PCSK2: variants seen among roughly 807,000 people sequenced by gnomAD.
The protein encoded by PCSK2 is proprotein convertase subtilisin/kexin type 2, also known as neuroendocrine convertase 2.
PCSK2 carries 14 observed loss-of-function variants against 69.7 expected under a neutral mutation model. The observed-to-expected ratio is 0.20, with a 90% CI of 0.13 to 0.31. The LOEUF is 0.31. Ranked by LOEUF, PCSK2 falls within the 10% of genes least tolerant of loss-of-function variation. The pLI, the probability that PCSK2 is intolerant of heterozygous loss-of-function variation, is 1.00. For synonymous variants in PCSK2, 307 were observed against 320.7 expected, an observed-to-expected ratio of 0.96 and a Z score of 0.46; for missense variants, 544 against 842.5, an observed-to-expected ratio of 0.65 and a Z score of 4.39.
intron 8 of PCSK2, among the ~76,000 whole-genome samples, chr20:17,438,486 G>A (rs1012311870): frequency 1.4e-4 from 21 of 152,180 alleles, no homozygotes; most frequent in Admixed American, 4.6e-4. Context: ...GAACTGGCCC[G>A]GGGTTTGAGA....
At position 17,313,728 on chromosome 20, in the gene PCSK2, T is replaced by G. The variant is rs78869048; in HGVS notation, c.283-44599T>G. 1.1e-3 allele frequency among the ~76,000 whole-genome samples: 166 copies of G among 152,222 alleles called. 1 individual carries two copies. The highest frequency in any genetic ancestry group is 3.9e-3 in the African/African-American group (161 of 41,530). ...ACAATAGGCTATAATTTACAAGGTT[T>G]TTCTCTGCAAGTCAACTCTTGCTAA... is the stretch of plus-strand genomic sequence containing the variant. On this transcript the variant is annotated intron_variant, in intron 2 of 11. Coordinates refer to ENST00000262545, the MANE Select transcript of PCSK2 (RefSeq NM_002594.5).
chr20:17,241,683 G>A (rs1262648932), intron 1 of PCSK2, among the ~76,000 whole-genome samples: 1 of 152,150 alleles, frequency 6.6e-6, no homozygotes, highest in African/African-American at 2.4e-5. Flanking sequence ...TAGTCACACT[G>A]AACGGCTGGT....
Position 17,482,328 on chromosome 20 carries a change from A to T in PCSK2, c.*258A>T. On this transcript the variant is annotated 3_prime_UTR_variant, in exon 12 of 12. Coordinates refer to ENST00000262545, the MANE Select transcript of PCSK2 (RefSeq NM_002594.5). ...TAAATTCTTTATTTCTGTCATTCAA[A>T]TGGGTGATATCCTGAAAAAAAAAAA... is the stretch of plus-strand genomic sequence containing the variant. 1 of 142,112 alleles carries T rather than the reference A, an allele frequency of 7.0e-6. No individual in the cohort carries two copies. The highest frequency in any genetic ancestry group is 1.4e-5 in the Non-Finnish European group (1 of 70,680). The allele number at this position is 142,112 out of a possible 1,614,324, so 8.8% of individuals were successfully genotyped here.
chr20:17,372,696 A>G (rs1160003821), intron 5 of PCSK2, among the ~76,000 whole-genome samples: 1 of 152,156 alleles, frequency 6.6e-6, no homozygotes, highest in African/African-American at 2.4e-5. Flanking sequence ...ATATATATTT[A>G]CATATGGCTG....
intron 5 of PCSK2, among the ~76,000 whole-genome samples, chr20:17,392,574 A>T (rs2031410615): frequency 6.6e-6 from 1 of 152,206 alleles, no homozygotes; most frequent in South Asian, 2.1e-4. Context: ...TCACCCAAAA[A>T]ACTTTCCTCC....
intron 10 of PCSK2, among the ~76,000 whole-genome samples, chr20:17,462,032 C>T (rs866217564): frequency 6.6e-6 from 1 of 152,182 alleles, no homozygotes; most frequent in South Asian, 2.1e-4. Context: ...TCTCAGATTT[C>T]CTGATGATCA....
intron 1 of PCSK2, among the ~76,000 whole-genome samples, chr20:17,240,155 G>A (rs1244561614): frequency 6.6e-6 from 1 of 151,964 alleles, no homozygotes; most frequent in Non-Finnish European, 1.5e-5. Flanking sequence ...CCTGGCCCAT[G>A]AAAACACTTT....
At chr20:17,293,934 C>T (rs1988779888) in intron 2 of PCSK2, among the ~76,000 whole-genome samples, 1 of 151,830 alleles carries the variant, frequency 6.6e-6, no homozygotes, top group Non-Finnish European at 1.5e-5. Flanking sequence ...TGGTCCAGTC[C>T]CTTTTTGAAA....
chr20:17,319,327 G>A (rs1168107620), intron 2 of PCSK2, among the ~76,000 whole-genome samples: 1 of 152,196 alleles, frequency 6.6e-6, no homozygotes, highest in African/African-American at 2.4e-5. Context: ...CCGCTAGGCG[G>A]ATCTTCTGCT....
At position 17,453,713 on chromosome 20, in the gene PCSK2, A is replaced by G. The variant is rs112774818; in HGVS notation, c.886-29A>G. The G allele has an allele frequency of 6.2e-7, 1 of 1,608,318 alleles. No individual in the cohort carries two copies. The highest frequency in any genetic ancestry group is 8.5e-7 in the Non-Finnish European group (1 of 1,178,348). On this transcript the variant is annotated intron_variant, in intron 8 of 11. Transcript: ENST00000262545. This position sits in a 1 kb window ranked among gnomAD's most constrained non-coding sequence, Gnocchi z 4.0. ...CCCCCTCGCAGCCCAGGCTGTGGGT[A>G]GCGGCAGCGTCTCCCCTGCTCTCCC...
intron 2 of PCSK2, among the ~76,000 whole-genome samples, chr20:17,356,665 C>T (rs1287086211): frequency 6.6e-6 from 1 of 152,142 alleles, no homozygotes; most frequent in East Asian, 1.9e-4. Context: ...TTCACTTCAA[C>T]CAGAGAGAAG....
chr20:17,422,742 C>A (rs2032159753), intron 6 of PCSK2, among the ~76,000 whole-genome samples: 1 of 152,100 alleles, frequency 6.6e-6, no homozygotes, highest in African/African-American at 2.4e-5. Context: ...AAACATTACA[C>A]AACCATAATA....
At chr20:17,410,265 A>G (rs534702673) in intron 6 of PCSK2, among the ~76,000 whole-genome samples, 5 of 152,362 alleles carry the variant, frequency 3.3e-5, no homozygotes, top group Admixed American at 3.3e-4. Flanking sequence ...GTCAAAGCCA[A>G]GATTAGCCCC....
intron 11 of PCSK2, among the ~76,000 whole-genome samples, chr20:17,471,073 G>A (rs1283828710): frequency 1.3e-5 from 2 of 152,196 alleles, no homozygotes; most frequent in Admixed American, 6.5e-5. Flanking sequence ...GACTTCTAAT[G>A]ATCGTCAAGC....
rs1284692333 is a variant in PCSK2, at chr20:17,391,399, T to TA, written c.544-17857dup. The stretch of plus-strand genomic sequence containing the variant: ...AATAAAACACATGATTTAAAAAAAA[T>TA]AAAAAAACTCATCAATGAGATTAAT... On this transcript the variant is annotated intron_variant, in intron 5 of 11. Transcript: ENST00000262545. Among the ~76,000 whole-genome samples the TA allele has an allele frequency of 3.9e-5, 6 of 152,076 alleles. No individual in the cohort carries two copies. The East Asian group carries it at 7.7e-4, about 20-fold the overall frequency.
At chr20:17,449,556 GT>G (rs2032778664) in intron 8 of PCSK2, among the ~76,000 whole-genome samples, 1 of 68,116 alleles carries the variant, frequency 1.5e-5, no homozygotes, top group Non-Finnish European at 3.7e-5. Flanking sequence ...TTGAGACTGA[GT>G]TTTACTCTTG....
chr20:17,367,143 T>C (rs995998806), intron 4 of PCSK2, among the ~76,000 whole-genome samples: 4 of 151,940 alleles, frequency 2.6e-5, no homozygotes, highest in Non-Finnish European at 5.9e-5. Flanking sequence ...TAGGTATAAA[T>C]TATCAAAATT....
chr20:17,369,257 C>T lies in PCSK2; in HGVS notation c.523C>T (p.Pro175Ser). 6.2e-7 allele frequency: 1 copy of T among 1,613,938 alleles called. No homozygotes were observed. Among genetic ancestry groups the T allele is most frequent in the South Asian group, 1.1e-5 (1 of 91,064 alleles). ...IMDDGIDYLH[P>S]DLASNYNAEA... is the part of the protein sequence containing the mutation. ...TTTCACAGGGATTGACTATCTCCACCCGGACCTGGCCTCCAACTATGTAAG... is the reference window on the plus strand; with the variant it reads ...TTTCACAGGGATTGACTATCTCCACTCGGACCTGGCCTCCAACTATGTAAG... The change falls in exon 5 of 12, where the codon CCG becomes TCG. Residue 175 changes from proline to serine, a missense_variant. By Grantham distance (74) the Pro-to-Ser change is moderately conservative. Transcript: ENST00000262545.
At chr20:17,415,218 T>G (rs2031972822) in intron 6 of PCSK2, among the ~76,000 whole-genome samples, 1 of 152,140 alleles carries the variant, frequency 6.6e-6, no homozygotes, top group African/African-American at 2.4e-5. Context: ...ATAACGGTAT[T>G]CAAATAGGAA....
Sources: gnomAD v4.1 joint callset for allele counts (sites outside exome capture counted in the v4.1 genomes callset) on GRCh38, gnomAD v4.1.1 for gene constraint, Gnocchi (gnomAD v3.1) non-coding constraint, MANE v1.5 for transcripts, NCBI Gene and HGNC (gene_info 2026-07-23, HGNC 2026-07-21) for gene names.